Variants in TMTC4 observed in about 807,000 individuals in gnomAD.
The protein encoded by TMTC4 is transmembrane O-mannosyltransferase targeting cadherins 4, also known as protein O-mannosyl-transferase TMTC4.
In TMTC4, 65 loss-of-function variants were observed where a neutral mutation model predicts 86.0. That is an observed-to-expected ratio of 0.76 (90% CI 0.62 to 0.93). TMTC4 has a LOEUF of 0.93. Ranked by LOEUF, TMTC4 falls within the 40% of genes least tolerant of loss-of-function variation. The pLI is 0.00. For synonymous variants in TMTC4, 379 were observed against 382.5 expected (o/e 0.99, Z 0.11); for missense variants, 866 against 948.1 (o/e 0.91, Z 1.14).
intron 10 of TMTC4, 102 bp downstream of exon 10, chr13:100,636,430 A>G: frequency 7.4e-7 from 1 of 1,356,396 alleles, no homozygotes; most frequent in Non-Finnish European, 1.0e-6. Flanking sequence ...AAATGTCCTT[A>G]GACGTGACTT....
At chr13:100,668,941 A>G (rs1379743566) in intron 2 of TMTC4, 147 bp from the exon 3 acceptor site, 16 of 868,358 alleles carry the variant, frequency 1.8e-5, no homozygotes, top group Non-Finnish European at 2.8e-5. Flanking sequence ...TGCTTCCCAA[A>G]CTTTAGTGGG....
intron 12 of TMTC4, among the ~76,000 whole-genome samples, chr13:100,630,902 A>G (rs1023069079): frequency 2.6e-5 from 4 of 152,222 alleles, no homozygotes; most frequent in Non-Finnish European, 4.4e-5. Context: ...CAGCCTTAGA[A>G]GGCAGGCCAT....
At chr13:100,666,337 C>T (rs1031869328) in intron 3 of TMTC4, among the ~76,000 whole-genome samples, 2 of 152,164 alleles carry the variant, frequency 1.3e-5, no homozygotes, top group Non-Finnish European at 2.9e-5. Flanking sequence ...CGGAGGAGTG[C>T]CTTTCATTAA....
Position 100,635,138 on chromosome 13 carries a change from C to T in TMTC4, c.1260G>A (p.Leu420=). The part of the protein sequence containing the change: ...LVIPFLPASN[L]FFRVGFVVAE... ...CGACCACGAAGCCCACTCGGAAGAA[C>T]AGGTTACTCGCGGGGAGAAATGGGA... The change falls in exon 11 of 19, where the codon CTG becomes CTA. Residue 420 remains leucine (L), a synonymous_variant. Transcript: ENST00000342624. 1 of 1,613,988 alleles carries T rather than the reference C, an allele frequency of 6.2e-7. No homozygotes were observed. Among genetic ancestry groups the T allele is most frequent in the Non-Finnish European group, 8.5e-7 (1 of 1,179,948 alleles).
At position 100,668,742 on chromosome 13, in the gene TMTC4, C is replaced by A; in HGVS notation, c.56G>T (p.Arg19Ile). 1 of 1,614,220 alleles carries A rather than the reference C, an allele frequency of 6.2e-7. No individual in the cohort carries two copies. The highest frequency in any genetic ancestry group is 1.3e-5 in the African/African-American group (1 of 75,030). ...GAGSHQPAVF[R>I]MAVLDTDLDH... ...CAAATCAGTGTCCAACACGGCCATTCTGAAAACTGCAGGTTGGTGGCTCCC... is the reference window on the plus strand; with the variant it reads ...CAAATCAGTGTCCAACACGGCCATTATGAAAACTGCAGGTTGGTGGCTCCC... Residue 19 changes from arginine (R) to isoleucine (I), a missense_variant, in exon 3 of 19, where the codon AGA becomes ATA. Coordinates refer to ENST00000342624, the MANE Select transcript of TMTC4 (RefSeq NM_032813.5).
intron 6 of TMTC4, among the ~76,000 whole-genome samples, chr13:100,650,762 C>T (rs1201560106): frequency 2.6e-5 from 4 of 152,226 alleles, no homozygotes; most frequent in African/African-American, 7.2e-5. Context: ...TGACTCCCAC[C>T]GTCAGAATGC....
intron 7 of TMTC4, among the ~76,000 whole-genome samples, chr13:100,640,636 C>G (rs913976498): frequency 6.6e-6 from 1 of 151,966 alleles, no homozygotes; most frequent in Non-Finnish European, 1.5e-5. Flanking sequence ...CTGGCCAACA[C>G]AGGGAGACCC....
chr13:100,666,723 T>G (rs1283243459), intron 3 of TMTC4, among the ~76,000 whole-genome samples: 1 of 152,238 alleles, frequency 6.6e-6, no homozygotes, highest in Non-Finnish European at 1.5e-5. Flanking sequence ...CTGGGCATGG[T>G]GGCTTGCGCT....
chr13:100,634,310 G>T (rs372217419), intron 12 of TMTC4, among the ~76,000 whole-genome samples: 1 of 152,104 alleles, frequency 6.6e-6, no homozygotes, highest in South Asian at 2.1e-4. Context: ...ACATAAATGT[G>T]TACTATTGTG....
intron 15 of TMTC4, among the ~76,000 whole-genome samples, chr13:100,619,748 A>T (rs906171216): frequency 1.1e-4 from 16 of 152,242 alleles, no homozygotes; most frequent in African/African-American, 3.1e-4. Context: ...AAGTTCAGAA[A>T]ATGAAAATAA....
At chr13:100,654,896 A>G (rs893966828) in intron 6 of TMTC4, among the ~76,000 whole-genome samples, 3 of 152,200 alleles carry the variant, frequency 2.0e-5, no homozygotes, top group African/African-American at 4.8e-5. Flanking sequence ...GATGTCTTTG[A>G]AATCCATTCA....
At chr13:100,639,855 G>A (rs1219782411) in intron 7 of TMTC4, among the ~76,000 whole-genome samples, 2 of 152,102 alleles carry the variant, frequency 1.3e-5, no homozygotes, top group African/African-American at 4.8e-5. Flanking sequence ...CAGGAGAATT[G>A]CTTGAACCTG....
chr13:100,626,232 A>G (rs963950031), intron 12 of TMTC4, 82 bp from the exon 13 acceptor site: 18 of 1,427,584 alleles, frequency 1.3e-5, no homozygotes, highest in Non-Finnish European at 1.6e-5. Context: ...CTAACTGAAG[A>G]CAAAAGGTAA....
chr13:100,619,212 A>C (rs1202379282), intron 15 of TMTC4, among the ~76,000 whole-genome samples: 1 of 148,988 alleles, frequency 6.7e-6, no homozygotes, highest in Non-Finnish European at 1.5e-5. Context: ...CCGGCCGGGC[A>C]GAGGGGCTCC....
intron 2 of TMTC4, among the ~76,000 whole-genome samples, chr13:100,669,855 C>T (rs1001043906): frequency 3.3e-4 from 50 of 152,132 alleles, no homozygotes; most frequent in Non-Finnish European, 4.4e-5. Flanking sequence ...TAAGACTGCT[C>T]GGTTCTGACC....
intron 10 of TMTC4, 99 bp downstream of exon 10, chr13:100,636,433 C>A: frequency 7.2e-7 from 1 of 1,388,514 alleles, no homozygotes. Context: ...TGTCCTTAGA[C>A]GTGACTTCCA....
intron 7 of TMTC4, among the ~76,000 whole-genome samples, chr13:100,641,485 CTTTT>C (rs1172117306): frequency 1.4e-5 from 2 of 145,964 alleles, no homozygotes; most frequent in Non-Finnish European, 3.0e-5. Flanking sequence ...TTCCTTCTTT[CTTTT>C]TTTTTTTCTT....
intron 9 of TMTC4, 35 bp downstream of exon 9, chr13:100,637,502 GA>G: frequency 6.3e-7 from 1 of 1,579,138 alleles, no homozygotes; most frequent in Non-Finnish European, 8.6e-7. Flanking sequence ...GGTGGGGGAA[GA>G]AAAGAGTCCA....
chr13:100,663,340 C>T (rs762086060), intron 4 of TMTC4, among the ~76,000 whole-genome samples, 160 bp from the exon 5 acceptor site: 23 of 152,246 alleles, frequency 1.5e-4, no homozygotes, highest in East Asian at 5.8e-4. Flanking sequence ...TAATGCCTGT[C>T]GAGCTAAGAA....
Sources: gnomAD v4.1 joint callset for allele counts (sites outside exome capture counted in the v4.1 genomes callset) on GRCh38, gnomAD v4.1.1 for gene constraint, MANE v1.5 for transcripts, NCBI Gene and HGNC (gene_info 2026-07-23, HGNC 2026-07-21) for gene names.